The following RUNX1T1 variants were observed in gnomAD, a reference collection of about 807,000 sequenced individuals.
RUNX1T1 encodes the protein protein CBFA2T1.
Under a neutral mutation model 62.8 loss-of-function variants are expected in RUNX1T1, and 4 were observed. The ratio of observed to expected loss-of-function variants is 0.06; its 90% CI spans 0.03 to 0.15. The LOEUF is 0.15. RUNX1T1 is among the 10% of genes least tolerant of loss of function. The pLI is 1.00. For synonymous variants in RUNX1T1, 291 were observed against 286.0 expected (o/e 1.02, Z -0.18); for missense variants, 508 against 754.3 (o/e 0.67, Z 3.82).
exon 1 of RUNX1T1, chr8:92,062,735 C>T: frequency 6.3e-7 from 1 of 1,579,736 alleles, no homozygotes; most frequent in South Asian, 1.1e-5. Context: ...AGATGGAGAG[C>T]TGACACTCCG....
chr8:92,013,588 C>T lies in RUNX1T1; in HGVS notation c.387+991G>A, dbSNP rs138303902. Among the ~76,000 whole-genome samples, 811 of 152,216 alleles carry T rather than the reference C, an allele frequency of 5.3e-3. 3 individuals carry two copies. Among genetic ancestry groups the T allele is most frequent in the Admixed American group, 8.4e-3 (129 of 15,292 alleles). ...CTGGACAATGAAAGAACTGCATATACGATTCATAGCTTCTCCGTGACTCAG... is the reference window on the plus strand; with the variant it reads ...CTGGACAATGAAAGAACTGCATATATGATTCATAGCTTCTCCGTGACTCAG... On this transcript the variant is annotated intron_variant, in intron 3 of 10. Transcript: ENST00000396218.
At chr8:92,103,206 G>A, upstream of RUNX1T1, 1 of 319,242 alleles carries the variant, frequency 3.1e-6, no homozygotes, top group Non-Finnish European at 5.7e-6. Context: ...TGTTGTTGCT[G>A]CTGTGGCAGA....
At chr8:92,041,770 C>A (rs146044722) in intron 1 of RUNX1T1, among the ~76,000 whole-genome samples, 39 of 151,706 alleles carry the variant, frequency 2.6e-4, no homozygotes, top group African/African-American at 8.5e-4. Flanking sequence ...AAACAAAAAC[C>A]TTTGGGCTTA....
At chr8:91,956,082 A>C (rs2130325989), downstream of RUNX1T1, 1 of 230,220 alleles carries the variant, frequency 4.3e-6, no homozygotes, top group Non-Finnish European at 8.6e-6. Flanking sequence ...AAGCAACCTG[A>C]CAAGAGTCAG....
chr8:91,987,477 G>A (rs73306017), intron 6 of RUNX1T1, among the ~76,000 whole-genome samples: 2,059 of 152,024 alleles, frequency 0.014, 41 homozygotes, highest in African/African-American at 0.047. Context: ...ATATACCTCC[G>A]TGATAAAATT....
intron 10 of RUNX1T1, among the ~76,000 whole-genome samples, chr8:91,966,195 T>C (rs1234678918): frequency 1.3e-5 from 2 of 150,722 alleles, no homozygotes; most frequent in South Asian, 2.1e-4. Context: ...CATAGCATCA[T>C]AGCTCATGCT....
intron 3 of RUNX1T1, among the ~76,000 whole-genome samples, chr8:92,012,101 C>A (rs1312502440): frequency 6.6e-6 from 1 of 152,140 alleles, no homozygotes; most frequent in Admixed American, 6.6e-5. Context: ...TACACGAGCA[C>A]CAAGTTCTAA....
intron 8 of RUNX1T1, among the ~76,000 whole-genome samples, chr8:91,981,195 C>T (rs998328094): frequency 3.3e-5 from 5 of 151,986 alleles, no homozygotes; most frequent in South Asian, 2.1e-4. Context: ...ATGAGTAATT[C>T]GAATCTAGAA....
intron 2 of RUNX1T1, among the ~76,000 whole-genome samples, chr8:92,072,249 T>C (rs912141266): frequency 1.3e-5 from 2 of 152,230 alleles, no homozygotes; most frequent in East Asian, 3.8e-4. Context: ...TTGTGTTACA[T>C]AATTAACATT....
chr8:92,023,466 TCCA>T (rs1396312663), intron 1 of RUNX1T1, among the ~76,000 whole-genome samples: 1 of 152,176 alleles, frequency 6.6e-6, no homozygotes, highest in Admixed American at 6.6e-5. Flanking sequence ...AATTTCCATG[TCCA>T]CAAGAATGTC....
Position 91,971,380 on chromosome 8 carries a change from C to T in RUNX1T1, c.1268-532G>A, listed in dbSNP as rs570445222. 1.4e-4 allele frequency among the ~76,000 whole-genome samples: 21 copies of T among 152,046 alleles called. No homozygotes were observed. The South Asian group carries it at 4.4e-3, about 32-fold the overall frequency. ...TAAGTTAACATGAATATAGGAGGGT[C>T]CACAGGTCAAGAGTTCAGAAAAAAA... On this transcript the variant is annotated intron_variant, in intron 9 of 10. Transcript: ENST00000396218.
chr8:91,984,930 A>G (rs1816237786), intron 8 of RUNX1T1, among the ~76,000 whole-genome samples: 1 of 152,174 alleles, frequency 6.6e-6, no homozygotes, highest in South Asian at 2.1e-4. Flanking sequence ...AGACTCTTTC[A>G]TTATTTAATA....
chr8:92,075,290 C>A (rs1199386879), intron 2 of RUNX1T1, among the ~76,000 whole-genome samples: 1 of 152,234 alleles, frequency 6.6e-6, no homozygotes, highest in East Asian at 1.9e-4. Context: ...AAACCTGGAA[C>A]AGAGCTGGCT....
chr8:92,014,564 T>C lies in RUNX1T1; in HGVS notation c.387+15A>G, dbSNP rs1052100635. 1 of 1,579,078 alleles carries C rather than the reference T, an allele frequency of 6.3e-7. No homozygotes were observed. Among genetic ancestry groups the C allele is most frequent in the Non-Finnish European group, 8.6e-7 (1 of 1,159,324 alleles). ...CCTTACACCAAGAAAACTGGGTTGG[T>C]TTCCATTTGCTTACCACTAGTCCCA... is the stretch of plus-strand genomic sequence containing the variant. On this transcript the variant is annotated intron_variant, in intron 3 of 10. Coordinates refer to ENST00000396218, the Ensembl canonical transcript of RUNX1T1.
rs182993996 is a variant in RUNX1T1 at position 91,984,848 on chromosome 8, T to C, written c.1198+1276A>G. On this transcript the variant is annotated intron_variant, in intron 8 of 10. Coordinates refer to ENST00000396218, the Ensembl canonical transcript of RUNX1T1. ...TCTGTTTTCGTTGCTTGCCTTAATG[T>C]GACCTGACAAATACAATTTTGTTTT... Among the ~76,000 whole-genome samples, 13 of 152,328 alleles carry C rather than the reference T, an allele frequency of 8.5e-5. No homozygotes were observed. In the East Asian group the frequency reaches 2.3e-3, roughly 27 times the overall value.
chr8:91,970,735 G>T (rs770002524), exon 10 of RUNX1T1: 6 of 1,613,686 alleles, frequency 3.7e-6, no homozygotes, highest in African/African-American at 1.3e-5. Flanking sequence ...GCGACCGTGC[G>T]CTCCATCTTG....
rs1038453601 is a variant in RUNX1T1 at position 91,967,973 on chromosome 8, T to C, written c.1458+2685A>G. Among the ~76,000 whole-genome samples the C allele has an allele frequency of 3.9e-5, 6 of 152,198 alleles. No homozygotes were observed. The East Asian group carries it at 1.2e-3, about 29-fold the overall frequency. ...TATGAGCAGATAATAATATATTGTG[T>C]TATAGCTTTCAAAAACACTATTTTA... On this transcript the variant is annotated intron_variant, in intron 10 of 10. Coordinates refer to ENST00000396218, the Ensembl canonical transcript of RUNX1T1.
upstream of RUNX1T1, chr8:92,102,750 T>C: frequency 8.4e-7 from 1 of 1,188,560 alleles, no homozygotes; most frequent in East Asian, 3.0e-5. This position sits in a 1 kb window ranked among gnomAD's most constrained non-coding sequence, Gnocchi z 4.5. Flanking sequence ...AGCCTCGCGG[T>C]CGAATAATCC....
At chr8:92,090,371 G>C (rs1017522657) in intron 1 of RUNX1T1, among the ~76,000 whole-genome samples, 1 of 152,004 alleles carries the variant, frequency 6.6e-6, no homozygotes, top group Non-Finnish European at 1.5e-5. Context: ...GACCAACTAC[G>C]AAAGGAACAA....
Sources: gnomAD v4.1 joint callset for allele counts (sites outside exome capture counted in the v4.1 genomes callset) on GRCh38, gnomAD v4.1.1 for gene constraint, Gnocchi (gnomAD v3.1) non-coding constraint, MANE v1.5 for transcripts, NCBI Gene and HGNC (gene_info 2026-07-23, HGNC 2026-07-21) for gene names.